Variants in ATP2A2 observed in about 807,000 individuals in gnomAD.
ATP2A2 encodes ATPase sarcoplasmic/endoplasmic reticulum Ca2+ transporting 2.
Under a neutral mutation model 109.3 loss-of-function variants are expected in ATP2A2, and 14 were observed. The ratio of observed to expected loss-of-function variants is 0.13; its 90% CI spans 0.08 to 0.20. The LOEUF (loss-of-function observed/expected upper bound fraction) is 0.20, where lower values mean the gene tolerates loss of function less well. Among genes scored for constraint, ATP2A2 ranks in the 10% least tolerant of loss-of-function variants. The pLI is 1.00. For synonymous variants in ATP2A2, 506 were observed against 490.9 expected, an observed-to-expected ratio of 1.03 and a Z score of -0.41; for missense variants, 657 against 1,321.6, an observed-to-expected ratio of 0.50 and a Z score of 7.80.
chr12:110,346,839 G>GTTTT lies in ATP2A2; in HGVS notation c.*374_*377dup, dbSNP rs949135120. 14 of 1,116,692 alleles carry GTTTT rather than the reference G, an allele frequency of 1.3e-5. No individual in the cohort carries two copies. Among genetic ancestry groups the GTTTT allele is most frequent in the Non-Finnish European group, 1.5e-5 (14 of 909,142 alleles). 69.2% of individuals were successfully genotyped at this position (1,116,692 alleles called of 1,614,324 possible). A position where few individuals can be genotyped will look rare whatever the true frequency, so the allele number is the denominator to read the frequency against. ...AGATTTTAGGAAATGAATGTGTGTG[G>GTTTT]TTTTTTTTCTAAAACTAAATAGCAT... On this transcript the variant is annotated 3_prime_UTR_variant, in exon 20 of 20. Coordinates refer to ENST00000539276, the MANE Select transcript of ATP2A2 (RefSeq NM_170665.4).
intron 5 of ATP2A2, among the ~76,000 whole-genome samples, chr12:110,313,615 A>G (rs1396387341): frequency 1.3e-5 from 2 of 150,294 alleles, no homozygotes; most frequent in Non-Finnish European, 3.0e-5. Flanking sequence ...GCTGCTGGCC[A>G]TGGGAACCAC....
intron 5 of ATP2A2, among the ~76,000 whole-genome samples, chr12:110,300,012 T>C (rs1336973615): frequency 6.6e-6 from 1 of 151,852 alleles, no homozygotes; most frequent in Non-Finnish European, 1.5e-5. Context: ...CGCCTCAGCC[T>C]CCCAAAGTGC....
At chr12:110,305,488 C>G (rs1435486095) in intron 5 of ATP2A2, among the ~76,000 whole-genome samples, 1 of 152,190 alleles carries the variant, frequency 6.6e-6, no homozygotes, top group Non-Finnish European at 1.5e-5. Context: ...ATTTAGTTGT[C>G]TCAGCACCAT....
chr12:110,283,675 G>A (rs1418019261), intron 3 of ATP2A2, among the ~76,000 whole-genome samples: 1 of 152,188 alleles, frequency 6.6e-6, no homozygotes, highest in Non-Finnish European at 1.5e-5. Flanking sequence ...AATAGCATGA[G>A]ATGCCTTTTA....
In ATP2A2 at chr12:110,339,367, A is replaced by G. The variant is rs1879139393; in HGVS notation, c.1506A>G (p.Lys502=). ...TGTCGGTTTACTGTACACCAAATAA[A>G]CCAAGCAGGACATCAATGAGCAAGA... The part of the protein sequence containing the change: ...KSMSVYCTPN[K]PSRTSMSKMF... The change falls in exon 12 of 20, where the codon AAA becomes AAG. Residue 502 remains lysine (K), a synonymous_variant. Transcript: ENST00000539276. This position sits in a 1 kb window ranked among gnomAD's most constrained non-coding sequence, Gnocchi z 4.4. 1.2e-6 allele frequency: 2 copies of G among 1,614,200 alleles called. No homozygotes were observed. The highest frequency in any genetic ancestry group is 1.7e-6 in the Non-Finnish European group (2 of 1,180,032).
At chr12:110,330,140 T>C (rs1444828349) in intron 8 of ATP2A2, 1 of 152,246 alleles carries the variant, frequency 6.6e-6, no homozygotes, top group Non-Finnish European at 1.5e-5. Context: ...AGGGTGTAGT[T>C]ATCTTGGCCT....
intron 6 of ATP2A2, 41 bp downstream of exon 6, chr12:110,323,113 T>A: frequency 1.4e-6 from 2 of 1,467,316 alleles, no homozygotes; most frequent in South Asian, 2.3e-5. Context: ...CTGAAGACCT[T>A]CGCATATTCC....
At chr12:110,329,729 A>G (rs1055936817) in intron 8 of ATP2A2, 2 of 152,110 alleles carry the variant, frequency 1.3e-5, no homozygotes, top group African/African-American at 4.8e-5. Context: ...GCCATCCTAT[A>G]TTTTTTGACC....
intron 5 of ATP2A2, among the ~76,000 whole-genome samples, chr12:110,300,015 C>G (rs944366725): frequency 1.3e-5 from 2 of 151,748 alleles, no homozygotes; most frequent in East Asian, 1.9e-4. Flanking sequence ...CTCAGCCTCC[C>G]AAAGTGCTGG....
intron 5 of ATP2A2, among the ~76,000 whole-genome samples, chr12:110,316,297 CTT>C (rs374056731): frequency 1.2e-3 from 186 of 152,256 alleles, no homozygotes; most frequent in African/African-American, 4.4e-3. Flanking sequence ...AAACTACAGT[CTT>C]TCTTAGGTGT....
At chr12:110,291,680 C>T (rs1873324297) in intron 3 of ATP2A2, among the ~76,000 whole-genome samples, 1 of 146,622 alleles carries the variant, frequency 6.8e-6, no homozygotes, top group African/African-American at 2.5e-5. Context: ...CTCTTGCTGC[C>T]CAGGCTGGAG....
At chr12:110,344,167 G>A (rs993720348) in intron 16 of ATP2A2, among the ~76,000 whole-genome samples, 17 of 152,054 alleles carry the variant, frequency 1.1e-4, no homozygotes, top group Non-Finnish European at 2.4e-4. Flanking sequence ...CCGGACATGC[G>A]TAGTGCCTCA....
At chr12:110,334,454 A>G (rs1419166504) in intron 11 of ATP2A2, among the ~76,000 whole-genome samples, 1 of 152,046 alleles carries the variant, frequency 6.6e-6, no homozygotes. Context: ...TCTTTGCTGC[A>G]TTATTGATTT....
In ATP2A2 at chr12:110,332,707, T is replaced by G. The variant is rs1415376768; in HGVS notation, c.1184+22T>G. ...AAGTGTGAGTAACCCTCCTCCTCAT[T>G]TAAAGGATCTGGTGTGGCAGTTTAG... On this transcript the variant is annotated intron_variant, in intron 9 of 19. Transcript: ENST00000539276. The G allele has an allele frequency of 1.9e-6, 3 of 1,559,240 alleles. No homozygotes were observed. In the Admixed American group the frequency reaches 5.0e-5, roughly 26 times the overall value.
At chr12:110,337,915 G>C (rs996898238) in intron 11 of ATP2A2, among the ~76,000 whole-genome samples, 9 of 152,180 alleles carry the variant, frequency 5.9e-5, no homozygotes, top group Non-Finnish European at 1.2e-4. Context: ...TAATAGGCAA[G>C]AAAAGTACAA....
intron 5 of ATP2A2, among the ~76,000 whole-genome samples, chr12:110,306,129 C>G (rs1875293885): frequency 6.6e-6 from 1 of 152,212 alleles, no homozygotes; most frequent in South Asian, 2.1e-4. Flanking sequence ...AGCTCCGCCT[C>G]TCGGGTTCAC....
At chr12:110,337,089 T>G (rs548200522) in intron 11 of ATP2A2, among the ~76,000 whole-genome samples, 1 of 152,296 alleles carries the variant, frequency 6.6e-6, no homozygotes, top group South Asian at 2.1e-4. Context: ...CGGGCAATAC[T>G]GTCATCCTTG....
chr12:110,297,983 A>AT (rs1273460382), intron 5 of ATP2A2, among the ~76,000 whole-genome samples: 1 of 152,060 alleles, frequency 6.6e-6, no homozygotes, highest in East Asian at 1.9e-4. Flanking sequence ...TGTTTTGGCT[A>AT]TTTCACTTAG....
chr12:110,309,397 A>C (rs374336092), intron 5 of ATP2A2, among the ~76,000 whole-genome samples: 184 of 151,490 alleles, frequency 1.2e-3, no homozygotes, highest in African/African-American at 4.4e-3. Context: ...GCCTCAAGTG[A>C]TCCGCCCGCC....
Sources: gnomAD v4.1 joint callset for allele counts (sites outside exome capture counted in the v4.1 genomes callset) on GRCh38, gnomAD v4.1.1 for gene constraint, Gnocchi (gnomAD v3.1) non-coding constraint, MANE v1.5 for transcripts, NCBI Gene and HGNC (gene_info 2026-07-23, HGNC 2026-07-21) for gene names.